DAO: variants seen among roughly 807,000 people sequenced by gnomAD.
DAO encodes D-amino acid oxidase.
A neutral mutation model predicts 50.1 loss-of-function variants in DAO; 51 were observed. That is an observed-to-expected ratio of 1.02 (90% CI 0.81 to 1.29). The LOEUF is 1.29. DAO is among the 50% of genes most tolerant of loss of function. DAO has a pLI of 0.00. For missense variants in DAO, 436 were observed against 439.4 expected (o/e 0.99, Z 0.07); for synonymous variants, 160 against 166.2 (o/e 0.96, Z 0.29).
chr12:108,900,718 A>C lies in DAO; in HGVS notation c.*183A>C. 1.6e-6 allele frequency: 1 copy of C among 640,304 alleles called. No homozygotes were observed. The highest frequency in any genetic ancestry group is 2.6e-6 in the Non-Finnish European group (1 of 381,776). The allele number at this position is 640,304 out of a possible 1,614,324, so 39.7% of individuals were successfully genotyped here. On this transcript the variant is annotated 3_prime_UTR_variant, in exon 11 of 11. Transcript: ENST00000228476. The stretch of plus-strand genomic sequence containing the variant: ...TTCAGCCCAACATGGGGCCCCTCTC[A>C]TCACTGAAATCCCTCTACCTTCTCT...
At chr12:108,889,320 G>A in intron 3 of DAO, 149 bp from the exon 4 acceptor site, 1 of 592,332 alleles carries the variant, frequency 1.7e-6, no homozygotes, top group Non-Finnish European at 3.2e-6. Context: ...ATGTTGGCCA[G>A]ACTGGTCTGG....
intron 1 of DAO, among the ~76,000 whole-genome samples, chr12:108,881,039 TC>T (rs960936104): frequency 6.6e-6 from 1 of 151,984 alleles, no homozygotes; most frequent in African/African-American, 2.4e-5. Flanking sequence ...CTTCCCTACT[TC>T]CTAGAGCAGT....
chr12:108,883,210 G>A (rs543218859), intron 1 of DAO, among the ~76,000 whole-genome samples: 2 of 151,966 alleles, frequency 1.3e-5, no homozygotes, highest in South Asian at 2.1e-4. Context: ...GCAGTGGTGC[G>A]AACTCGACTC....
At chr12:108,892,836 T>C in intron 5 of DAO, 146 bp from the exon 6 acceptor site, 3 of 749,990 alleles carry the variant, frequency 4.0e-6, no homozygotes, top group East Asian at 2.6e-5. Context: ...ATGAGCTGAT[T>C]TGATGACACA....
In DAO at chr12:108,900,625, T is replaced by C; in HGVS notation, c.*90T>C. The C allele has an allele frequency of 6.5e-7, 1 of 1,538,178 alleles. No homozygotes were observed. The highest frequency in any genetic ancestry group is 8.9e-7 in the Non-Finnish European group (1 of 1,121,708). The stretch of plus-strand genomic sequence containing the variant: ...GTGCTCCTTCATAAGCCATTGCTTC[T>C]CCCTCACTTCTTTCCTCAAAGAAGC... On this transcript the variant is annotated 3_prime_UTR_variant, in exon 11 of 11. Coordinates refer to ENST00000228476, the MANE Select transcript of DAO (RefSeq NM_001917.5).
At chr12:108,895,332 C>A (rs1223944346) in intron 7 of DAO, among the ~76,000 whole-genome samples, 3 of 121,142 alleles carry the variant, frequency 2.5e-5, no homozygotes, top group African/African-American at 1.1e-4. Flanking sequence ...GGTGTGTGTG[C>A]ATGTGTGAGG....
rs1321989944 is a variant in DAO at position 108,898,441 on chromosome 12, A to G, written c.696-238A>G. On this transcript the variant is annotated intron_variant, in intron 8 of 10. Coordinates refer to ENST00000228476, the MANE Select transcript of DAO (RefSeq NM_001917.5). ...GTGGTGGTGGTGAAATGATGAATGCAGTTGGTGGTGATGACCTATTAATGA... is the reference window on the plus strand; with the variant it reads ...GTGGTGGTGGTGAAATGATGAATGCGGTTGGTGGTGATGACCTATTAATGA... 11 of 520,086 alleles carry G rather than the reference A, an allele frequency of 2.1e-5. No individual in the cohort carries two copies. In the Admixed American group the frequency reaches 2.8e-4, roughly 13 times the overall value. The allele number at this position is 520,086 out of a possible 1,614,324, so 32.2% of individuals were successfully genotyped here.
chr12:108,883,058 A>G (rs1321457579), intron 1 of DAO, among the ~76,000 whole-genome samples: 2 of 152,160 alleles, frequency 1.3e-5, no homozygotes, highest in African/African-American at 2.4e-5. Context: ...AATTATGCAG[A>G]CAGTCAAAAA....
At chr12:108,900,259 C>A in intron 10 of DAO, 145 bp from the exon 11 acceptor site, 1 of 1,012,008 alleles carries the variant, frequency 9.9e-7, no homozygotes, top group Non-Finnish European at 1.5e-6. Flanking sequence ...ACCATTCCAC[C>A]CCGGTGCCAA....
At chr12:108,888,367 A>C (rs1288199883) in intron 3 of DAO, among the ~76,000 whole-genome samples, 1 of 150,142 alleles carries the variant, frequency 6.7e-6, no homozygotes, top group Non-Finnish European at 1.5e-5. Flanking sequence ...ACAGGGTCTC[A>C]CTGTATTGCC....
At chr12:108,895,204 A>G (rs2039534253) in intron 7 of DAO, among the ~76,000 whole-genome samples, 1 of 141,762 alleles carries the variant, frequency 7.1e-6, no homozygotes. Context: ...CTGTGCGTGC[A>G]AGCATTGTTC....
intron 5 of DAO, 131 bp from the exon 6 acceptor site, chr12:108,892,851 T>C: frequency 3.8e-6 from 3 of 798,356 alleles, no homozygotes; most frequent in Non-Finnish European, 4.4e-6. Flanking sequence ...GACACAGCCA[T>C]CTTCTCAAGC....
intron 1 of DAO, among the ~76,000 whole-genome samples, chr12:108,881,624 G>C (rs936008124): frequency 3.2e-5 from 1 of 30,902 alleles, no homozygotes. Context: ...TTTTTTTTTT[G>C]ACAGAGTTTC....
intron 8 of DAO, among the ~76,000 whole-genome samples, chr12:108,898,131 T>C (rs1241254827): frequency 6.6e-6 from 1 of 152,050 alleles, no homozygotes; most frequent in Non-Finnish European, 1.5e-5. Flanking sequence ...ATTGTATTGA[T>C]GGGGAAGACA....
rs781206127 is a variant in DAO at position 108,894,364 on chromosome 12, G to A, written c.609G>A (p.Met203Ile). The A allele has an allele frequency of 1.2e-6, 2 of 1,612,438 alleles. No homozygotes were observed. The highest frequency in any genetic ancestry group is 1.7e-6 in the Non-Finnish European group (2 of 1,178,688). ...TGCAGCCAGGCCGGGGGCAGATCAT[G>A]AAGGTGAGTGTGAGGGTGAGACCCC... is the stretch of plus-strand genomic sequence containing the variant. ...PLLQPGRGQI[M>I]KVDAPWMKHF... The change falls in exon 7 of 11, where the codon ATG (methionine) becomes ATA (isoleucine). Residue 203 changes from methionine (M) to isoleucine (I), a missense_variant. Coordinates refer to ENST00000228476, the MANE Select transcript of DAO (RefSeq NM_001917.5).
chr12:108,888,457 T>A (rs2039457466), intron 3 of DAO, among the ~76,000 whole-genome samples: 1 of 152,068 alleles, frequency 6.6e-6, no homozygotes, highest in Non-Finnish European at 1.5e-5. Flanking sequence ...TGTCTCAGCC[T>A]CCTGAGTAAT....
intron 8 of DAO, among the ~76,000 whole-genome samples, chr12:108,897,485 G>A (rs1420221263): frequency 1.3e-5 from 2 of 152,036 alleles, no homozygotes; most frequent in African/African-American, 4.8e-5. Flanking sequence ...CCAAAGTGCT[G>A]GGATTACAGG....
At position 108,894,358 on chromosome 12, in the gene DAO, G is replaced by T; in HGVS notation, c.603G>T (p.Gln201His). The T allele has an allele frequency of 6.2e-7, 1 of 1,613,114 alleles. No homozygotes were observed. Among genetic ancestry groups the T allele is most frequent in the South Asian group, 1.1e-5 (1 of 90,990 alleles). ...RDPLLQPGRG[Q>H]IMKVDAPWMK... ...CCCTGCTGCAGCCAGGCCGGGGGCA[G>T]ATCATGAAGGTGAGTGTGAGGGTGA... is the stretch of plus-strand genomic sequence containing the variant. Residue 201 changes from glutamine (Q) to histidine (H), a missense_variant, in exon 7 of 11, where the codon CAG becomes CAT. Gln to His is a conservative substitution (Grantham distance 24). Transcript: ENST00000228476.
At chr12:108,899,665 A>C in intron 10 of DAO, 190 bp downstream of exon 10, 1 of 645,018 alleles carries the variant, frequency 1.6e-6, no homozygotes. Flanking sequence ...GACCTGCTCA[A>C]GGTTACATAG....
Sources: gnomAD v4.1 joint callset for allele counts (sites outside exome capture counted in the v4.1 genomes callset) on GRCh38, gnomAD v4.1.1 for gene constraint, MANE v1.5 for transcripts, NCBI Gene and HGNC (gene_info 2026-07-23, HGNC 2026-07-21) for gene names.